Variants in ACTR3C observed in about 807,000 individuals in gnomAD.
ACTR3C encodes actin related protein 3C, also known as actin-related protein 3C.
ACTR3C carries 18 observed loss-of-function variants against 26.3 expected under a neutral mutation model. The ratio of observed to expected loss-of-function variants is 0.68; its 90% CI spans 0.47 to 1.01. ACTR3C has a LOEUF of 1.01. Among genes scored for constraint, ACTR3C ranks in the 50% least tolerant of loss-of-function variants. The pLI is 0.00. For missense variants in ACTR3C, 184 were observed against 250.7 expected (o/e 0.73, Z 1.80); for synonymous variants, 55 against 94.5 (o/e 0.58, Z 2.42).
chr7:150,132,931 G>T, the ACTR3C span, among the ~76,000 whole-genome samples: 2 of 152,098 alleles, frequency 1.3e-5, no homozygotes, highest in African/African-American at 2.4e-5. Flanking sequence ...AAAAAAGAAT[G>T]AAACCATACC....
the ACTR3C span, among the ~76,000 whole-genome samples, chr7:150,123,526 C>A: frequency 6.6e-6 from 1 of 152,010 alleles, no homozygotes; most frequent in African/African-American, 2.4e-5. Flanking sequence ...GCATCTCTTG[C>A]ACACAAACGT....
At chr7:150,322,968 G>C (rs539860513) in intron 1 of ACTR3C, 1 of 152,758 alleles carries the variant, frequency 6.5e-6, no homozygotes, top group Admixed American at 6.5e-5. Context: ...CGGGCGGTCA[G>C]CCTGGCACGC....
the ACTR3C span, among the ~76,000 whole-genome samples, chr7:150,174,082 T>C: frequency 7.2e-6 from 1 of 139,554 alleles, no homozygotes; most frequent in Non-Finnish European, 1.5e-5. Context: ...CTCTGCCTCT[T>C]AACCAGTTCC....
the ACTR3C span, among the ~76,000 whole-genome samples, chr7:149,907,478 T>TTCTCTTCTCTCTCTCTCTCCTC: frequency 4.1e-5 from 4 of 97,606 alleles, no homozygotes; most frequent in Admixed American, 4.8e-4. Flanking sequence ...CTCTCTTCTC[T>TTCTCTTCTCTCTCTCTCTCCTC]TCTCTCTCTC....
At chr7:150,277,983 G>T (rs998313189) in intron 6 of ACTR3C, among the ~76,000 whole-genome samples, 4 of 152,186 alleles carry the variant, frequency 2.6e-5, no homozygotes, top group African/African-American at 9.7e-5. Flanking sequence ...GGATATGCCT[G>T]TCTTTCCTCG....
At chr7:150,013,678 C>T in the ACTR3C span, among the ~76,000 whole-genome samples, 1 of 152,244 alleles carries the variant, frequency 6.6e-6, no homozygotes, top group African/African-American at 2.4e-5. Flanking sequence ...TTATTTGAAA[C>T]AGCTGAAGCT....
chr7:150,190,856 C>A, the ACTR3C span, among the ~76,000 whole-genome samples: 1 of 152,120 alleles, frequency 6.6e-6, no homozygotes, highest in South Asian at 2.1e-4. Flanking sequence ...GAAGCAAACA[C>A]GTCCTTCTTC....
the ACTR3C span, among the ~76,000 whole-genome samples, chr7:149,884,879 A>T: frequency 6.6e-6 from 1 of 152,328 alleles, no homozygotes; most frequent in South Asian, 2.1e-4. Context: ...ACTGCACCCT[A>T]TGGGTTTAGG....
chr7:150,096,155 C>T, the ACTR3C span, among the ~76,000 whole-genome samples: 1 of 149,160 alleles, frequency 6.7e-6, no homozygotes, highest in Non-Finnish European at 1.5e-5. Context: ...GCATTCTAGC[C>T]CACACCTTGG....
the ACTR3C span, among the ~76,000 whole-genome samples, chr7:149,904,328 A>C: frequency 6.6e-6 from 1 of 150,692 alleles, no homozygotes; most frequent in East Asian, 2.0e-4. Context: ...TCAGGAGTTC[A>C]AGACCAGCCT....
the ACTR3C span, among the ~76,000 whole-genome samples, chr7:150,198,569 G>C: frequency 1.4e-5 from 2 of 147,918 alleles, no homozygotes; most frequent in Non-Finnish European, 3.0e-5. Context: ...GTCTCTGCCC[G>C]GCCGCCCCGT....
the ACTR3C span, among the ~76,000 whole-genome samples, chr7:150,079,443 C>G: frequency 6.6e-6 from 1 of 152,172 alleles, no homozygotes; most frequent in African/African-American, 2.4e-5. Flanking sequence ...CAGCAGCAAA[C>G]GTTCACAGAG....
At chr7:150,083,668 G>T in the ACTR3C span, among the ~76,000 whole-genome samples, 1 of 152,176 alleles carries the variant, frequency 6.6e-6, no homozygotes, top group African/African-American at 2.4e-5. Flanking sequence ...CCAACCTCTT[G>T]ATGATTCCTT....
At chr7:150,246,859 C>T (rs1253517668), downstream of ACTR3C, 1 of 152,280 alleles carries the variant, frequency 6.6e-6, no homozygotes, top group Non-Finnish European at 1.5e-5. Context: ...ATGGCGTGAT[C>T]TCGGCTCATC....
At chr7:149,931,357 C>T in the ACTR3C span, among the ~76,000 whole-genome samples, 1 of 152,214 alleles carries the variant, frequency 6.6e-6, no homozygotes, top group African/African-American at 2.4e-5. Flanking sequence ...TCATCCTCCC[C>T]TCTTATGATG....
At chr7:150,042,509 C>T in the ACTR3C span, among the ~76,000 whole-genome samples, 66 of 147,512 alleles carry the variant, frequency 4.5e-4, no homozygotes, top group Non-Finnish European at 5.3e-4. Context: ...GGGATTGCCT[C>T]GCCCCCTGCG....
At chr7:150,222,499 C>T in the ACTR3C span, among the ~76,000 whole-genome samples, 1 of 152,108 alleles carries the variant, frequency 6.6e-6, no homozygotes, top group African/African-American at 2.4e-5. Context: ...CATTAATTTA[C>T]AGACACTATT....
the ACTR3C span, among the ~76,000 whole-genome samples, chr7:149,921,965 TTTCC>T: frequency 2.0e-5 from 3 of 151,646 alleles, no homozygotes; most frequent in African/African-American, 7.2e-5. Context: ...GCTTGTTATG[TTTCC>T]TTCCTTATTT....
the ACTR3C span, among the ~76,000 whole-genome samples, chr7:150,198,518 C>T: frequency 3.6e-5 from 5 of 140,818 alleles, no homozygotes; most frequent in South Asian, 2.3e-4. Context: ...ATGTGAGGAG[C>T]GCCTCTGCCC....
Sources: gnomAD v4.1 joint callset for allele counts (sites outside exome capture counted in the v4.1 genomes callset) on GRCh38, gnomAD v4.1.1 for gene constraint, MANE v1.5 for transcripts, NCBI Gene and HGNC (gene_info 2026-07-23, HGNC 2026-07-21) for gene names.